The following TTC34 variants were observed in gnomAD, a reference collection of about 807,000 sequenced individuals.
TTC34 encodes the protein tetratricopeptide repeat domain 34, also known as tetratricopeptide repeat protein 34.
TTC34 carries 44 observed loss-of-function variants against 40.7 expected under a neutral mutation model. That is an observed-to-expected ratio of 1.08 (90% confidence interval 0.85 to 1.39). The LOEUF (loss-of-function observed/expected upper bound fraction) is 1.39. TTC34 is among the 40% of genes most tolerant of loss of function. The pLI is 0.00. For synonymous variants in TTC34, 422 were observed against 398.6 expected, an observed-to-expected ratio of 1.06 and a Z score of -0.70; for missense variants, 884 against 838.0, an observed-to-expected ratio of 1.05 and a Z score of -0.68.
intron 6 of TTC34, among the ~76,000 whole-genome samples, chr1:2,696,342 G>A (rs559355110): frequency 1.4e-5 from 2 of 143,488 alleles, no homozygotes; most frequent in South Asian, 2.2e-4. Context: ...GTGACAGCCT[G>A]GAACAGCACC....
At chr1:2,649,450 G>T (rs1639083865) in intron 6 of TTC34, among the ~76,000 whole-genome samples, 1 of 152,034 alleles carries the variant, frequency 6.6e-6, no homozygotes, top group Non-Finnish European at 1.5e-5. Flanking sequence ...ATACCCAGGT[G>T]AGCATCTGAA....
At chr1:2,684,791 C>G (rs1385348747) in intron 6 of TTC34, among the ~76,000 whole-genome samples, 2 of 134,420 alleles carry the variant, frequency 1.5e-5, no homozygotes, top group Admixed American at 1.5e-4. Context: ...GGAACAGCAC[C>G]CACACCCCCA....
chr1:2,800,316 C>T (rs144776691), exon 2 of TTC34: 22 of 398,574 alleles, frequency 5.5e-5, no homozygotes, highest in Middle Eastern at 6.3e-4. Context: ...AGCTACCGTC[C>T]GGTCGGCGCT....
chr1:2,765,831 C>A (rs1351969064), intron 6 of TTC34, among the ~76,000 whole-genome samples: 9 of 6,474 alleles, frequency 1.4e-3, no homozygotes, highest in Non-Finnish European at 2.2e-3. Context: ...GAGCAGCACC[C>A]ACACCCCCAG....
intron 6 of TTC34, among the ~76,000 whole-genome samples, chr1:2,686,852 G>A (rs1410334494): frequency 7.2e-6 from 1 of 139,742 alleles, no homozygotes; most frequent in African/African-American, 2.8e-5. Flanking sequence ...ACCCCCAGGT[G>A]AGCATCGGAC....
intron 6 of TTC34, among the ~76,000 whole-genome samples, chr1:2,695,204 A>T (rs1640806707): frequency 1.3e-5 from 1 of 77,286 alleles, no homozygotes; most frequent in Non-Finnish European, 2.7e-5. Context: ...CGCCCAGATG[A>T]GCATCTGACA....
intron 6 of TTC34, among the ~76,000 whole-genome samples, chr1:2,657,750 A>T (rs1486983381): frequency 1.8e-5 from 1 of 55,940 alleles, no homozygotes; most frequent in African/African-American, 5.7e-5. Flanking sequence ...CCCTCAGGTG[A>T]GCATCTGACG....
chr1:2,792,892 C>T (rs906415808), intron 2 of TTC34, among the ~76,000 whole-genome samples: 2 of 152,236 alleles, frequency 1.3e-5, no homozygotes, highest in Admixed American at 1.3e-4. Context: ...CTGCGGGGTG[C>T]ACATCTCACC....
rs1638907586 is a variant in TTC34, at chr1:2,641,678, G to A, written c.2930C>T (p.Ala977Val). The change falls in exon 9 of 9, where the codon GCA becomes GTA. Residue 977 changes from alanine to valine, a missense_variant. Ala to Val is a moderately conservative substitution (Grantham distance 64). Coordinates refer to ENST00000401095, the Ensembl canonical transcript of TTC34. ...GCGACCCTGACGGCAGAAGTCCTCT[G>A]CCCGCCTTGGGAGGTCACCATCCCC... is the stretch of plus-strand genomic sequence containing the variant. 2.6e-6 allele frequency: 4 copies of A among 1,535,446 alleles called. No individual in the cohort carries two copies. Among genetic ancestry groups the A allele is most frequent in the Admixed American group, 2.0e-5 (1 of 50,996 alleles).
At chr1:2,785,798 G>A in intron 5 of TTC34, 21 bp downstream of exon 5, 1 of 1,540,320 alleles carries the variant, frequency 6.5e-7, no homozygotes, top group Non-Finnish European at 8.8e-7. Context: ...TGGGCCCTGG[G>A]GGCAGGTGGG....
chr1:2,683,879 G>C (rs1370717835), intron 6 of TTC34, among the ~76,000 whole-genome samples: 2 of 151,568 alleles, frequency 1.3e-5, no homozygotes, highest in Non-Finnish European at 2.9e-5. Flanking sequence ...CACACCCCGA[G>C]GCGAGCATCT....
At chr1:2,656,360 G>C (rs1390154623) in intron 6 of TTC34, among the ~76,000 whole-genome samples, 2 of 144,910 alleles carry the variant, frequency 1.4e-5, no homozygotes, top group African/African-American at 2.6e-5. Flanking sequence ...CTGACAGCCT[G>C]GAACAGCACC....
At chr1:2,783,960 A>G (rs1461217097) in intron 5 of TTC34, among the ~76,000 whole-genome samples, 185 bp from the exon 6 acceptor site, 2 of 152,084 alleles carry the variant, frequency 1.3e-5, no homozygotes, top group East Asian at 3.9e-4. Flanking sequence ...GCTGCAGGGC[A>G]AGAGGAGCTC....
rs115932241 is a variant in TTC34, at chr1:2,645,284, G to A, written c.2497+9C>T. On this transcript the variant is annotated intron_variant, in intron 7 of 8. Transcript: ENST00000401095. The surrounding 1 kb of genome is among the most constrained non-coding windows in gnomAD (Gnocchi z 4.7). ...ACCCCGTGTTTCCCACCTTGGGGCC[G>A]CCGCATACCCTGTGCCATGAGAATG... The A allele has an allele frequency of 1.1e-3, 1,606 of 1,455,754 alleles. 21 individuals carry two copies. The African/African-American group carries it at 0.019, about 18-fold the overall frequency. The allele number at this position is 1,455,754 out of a possible 1,614,324, so 90.2% of individuals were successfully genotyped here. A position where few individuals can be genotyped will look rare whatever the true frequency, so the allele number is the denominator to read the frequency against.
intron 6 of TTC34, among the ~76,000 whole-genome samples, chr1:2,675,282 C>CCTCGGGTG (rs1639863285): frequency 6.9e-6 from 1 of 143,900 alleles, no homozygotes; most frequent in Non-Finnish European, 1.5e-5. Flanking sequence ...CACCCCACAT[C>CCTCGGGTG]ACCGGGTGAG....
At chr1:2,641,509 C>T in exon 9 of TTC34, 2 of 1,535,584 alleles carry the variant, frequency 1.3e-6, no homozygotes, top group Non-Finnish European at 1.7e-6. Context: ...CCAGGCAGCA[C>T]TGCCCGCGGA....
chr1:2,675,596 C>G (rs1259797603), intron 6 of TTC34, among the ~76,000 whole-genome samples: 1 of 133,804 alleles, frequency 7.5e-6, no homozygotes, highest in South Asian at 2.3e-4. Context: ...TGGAACGGCA[C>G]CCACAACCCC....
chr1:2,790,212 C>T (rs1643648008), exon 3 of TTC34: 8 of 398,302 alleles, frequency 2.0e-5, no homozygotes. Context: ...GAGAACACGG[C>T]CTGGAACTGC....
exon 8 of TTC34, chr1:2,644,349 A>G (rs1186714332): frequency 1.3e-6 from 2 of 1,535,864 alleles, no homozygotes; most frequent in East Asian, 2.4e-5. Context: ...CAGGCTCTGC[A>G]GGTCCCTTGC....
Sources: gnomAD v4.1 joint callset for allele counts (sites outside exome capture counted in the v4.1 genomes callset) on GRCh38, gnomAD v4.1.1 for gene constraint, Gnocchi (gnomAD v3.1) non-coding constraint, MANE v1.5 for transcripts, NCBI Gene and HGNC (gene_info 2026-07-23, HGNC 2026-07-21) for gene names.